Variants in KDM4A observed in about 807,000 individuals in gnomAD.
The protein encoded by KDM4A is lysine demethylase 4A, also known as lysine-specific demethylase 4A.
In KDM4A, 23 loss-of-function variants were observed where a neutral mutation model predicts 127.1. The ratio of observed to expected loss-of-function variants is 0.18; its 90% CI spans 0.13 to 0.26. The LOEUF (loss-of-function observed/expected upper bound fraction) is 0.26, where lower values mean the gene tolerates loss of function less well. Among genes scored for constraint, KDM4A ranks in the 10% least tolerant of loss-of-function variants. The pLI is 1.00. For synonymous variants in KDM4A, 443 were observed against 466.5 expected (o/e 0.95, Z 0.65); for missense variants, 890 against 1,329.1 (o/e 0.67, Z 5.14).
In KDM4A at chr1:43,694,863, C is replaced by G; in HGVS notation, c.2639C>G (p.Thr880Ser). 1 of 1,604,650 alleles carries G rather than the reference C, an allele frequency of 6.2e-7. No homozygotes were observed. The highest frequency in any genetic ancestry group is 8.5e-7 in the Non-Finnish European group (1 of 1,171,908). ...GACTGGCCTTTTGTGGTCTTCATTA[C>G]CTGCTTTCGGCACAAGATTCCTAAT... ...PDDWPFVVFI[T>S]CFRHKIPNLE... The change falls in exon 18 of 22, where the codon ACC becomes AGC. Residue 880 changes from threonine to serine, a missense_variant. By Grantham distance (58) the Thr-to-Ser change is moderately conservative. Transcript: ENST00000372396. This position sits in a 1 kb window ranked among gnomAD's most constrained non-coding sequence, Gnocchi z 5.2.
At chr1:43,685,358 A>C (rs1014691513) in intron 12 of KDM4A, among the ~76,000 whole-genome samples, 3 of 151,724 alleles carry the variant, frequency 2.0e-5, no homozygotes, top group African/African-American at 7.3e-5. Context: ...CTTCAGGGAG[A>C]GCAGAGTCAA....
intron 5 of KDM4A, among the ~76,000 whole-genome samples, chr1:43,664,180 A>G (rs542208450): frequency 6.6e-6 from 1 of 152,242 alleles, no homozygotes; most frequent in African/African-American, 2.4e-5. Context: ...GAAGGACATA[A>G]CCGGGTGGAG....
chr1:43,679,027 A>G (rs537573760), intron 11 of KDM4A, among the ~76,000 whole-genome samples: 1 of 152,286 alleles, frequency 6.6e-6, no homozygotes, highest in South Asian at 2.1e-4. Flanking sequence ...TTGAGGTGGG[A>G]GGAGATGGGG....
chr1:43,669,414 C>A, intron 10 of KDM4A, 115 bp downstream of exon 10: 3 of 1,020,444 alleles, frequency 2.9e-6, no homozygotes, highest in East Asian at 2.4e-5. Flanking sequence ...GGTCCGTGAG[C>A]AGATAGCATA....
At chr1:43,686,551 T>C (rs1386732314) in intron 12 of KDM4A, among the ~76,000 whole-genome samples, 1 of 150,246 alleles carries the variant, frequency 6.7e-6, no homozygotes, top group East Asian at 2.0e-4. Context: ...TGGCCAGGCT[T>C]GTCTCGAACT....
intron 2 of KDM4A, 126 bp from the exon 3 acceptor site, chr1:43,655,465 T>G: frequency 1.3e-6 from 1 of 795,460 alleles, no homozygotes; most frequent in East Asian, 2.7e-5. Context: ...TTGGTGAATG[T>G]GGGTAAATCA....
Position 43,694,179 on chromosome 1 carries a change from C to G in KDM4A, c.2484+77C>G. 8.4e-7 allele frequency: 1 copy of G among 1,195,266 alleles called. No homozygotes were observed. The allele number at this position is 1,195,266 out of a possible 1,614,324, so 74.0% of individuals were successfully genotyped here. A position where few individuals can be genotyped will look rare whatever the true frequency, so the allele number is the denominator to read the frequency against. On this transcript the variant is annotated intron_variant, in intron 17 of 21. Transcript: ENST00000372396. This position sits in a 1 kb window ranked among gnomAD's most constrained non-coding sequence, Gnocchi z 5.2. ...GAAGAGAACAGGGACCTCCTGTACCCCTTGGTTTTGGTTAGAGTTTGTGAT... is the reference window on the plus strand; with the variant it reads ...GAAGAGAACAGGGACCTCCTGTACCGCTTGGTTTTGGTTAGAGTTTGTGAT...
At chr1:43,683,044 A>G (rs1570853622) in intron 11 of KDM4A, among the ~76,000 whole-genome samples, 1 of 152,200 alleles carries the variant, frequency 6.6e-6, no homozygotes, top group Non-Finnish European at 1.5e-5. Context: ...TCTTAAATCA[A>G]CCTTTCCCTT....
At chr1:43,666,860 T>G in intron 7 of KDM4A, 94 bp from the exon 8 acceptor site, 1 of 1,306,242 alleles carries the variant, frequency 7.7e-7, no homozygotes, top group Non-Finnish European at 1.1e-6. Context: ...TGACTTACCC[T>G]TTGTTACTCA....
intron 12 of KDM4A, among the ~76,000 whole-genome samples, chr1:43,686,042 C>T (rs12138016): frequency 6.6e-6 from 1 of 151,926 alleles, no homozygotes; most frequent in Non-Finnish European, 1.5e-5. Context: ...AACATATTAT[C>T]TTCCTGGCTT....
At position 43,694,515 on chromosome 1, in the gene KDM4A, CAAAAAAA is replaced by C. The variant is rs35419389; in HGVS notation, c.2485-181_2485-175del. Among the ~76,000 whole-genome samples, 2 of 107,336 alleles carry C rather than the reference CAAAAAAA, an allele frequency of 1.9e-5. No homozygotes were observed. The highest frequency in any genetic ancestry group is 3.3e-4 in the South Asian group (1 of 3,034). 70.4% of individuals were successfully genotyped at this position (107,336 alleles called of 152,430 possible). ...TGGGTGACAGAGCAAGACTCCGTCT[CAAAAAAA>C]AAAAAAAAAAAATTTCCTTGGCAGA... On this transcript the variant is annotated intron_variant, in intron 17 of 21. Coordinates refer to ENST00000372396, the MANE Select transcript of KDM4A (RefSeq NM_014663.3). This position sits in a 1 kb window ranked among gnomAD's most constrained non-coding sequence, Gnocchi z 5.2.
At chr1:43,675,557 T>A (rs1660722565) in intron 11 of KDM4A, among the ~76,000 whole-genome samples, 1 of 152,064 alleles carries the variant, frequency 6.6e-6, no homozygotes, top group Non-Finnish European at 1.5e-5. Flanking sequence ...TCAAAGCACT[T>A]GGGGATCTGC....
intron 12 of KDM4A, among the ~76,000 whole-genome samples, chr1:43,685,668 T>C (rs1660957158): frequency 6.6e-6 from 1 of 152,114 alleles, no homozygotes; most frequent in South Asian, 2.1e-4. Context: ...CTCGGGAGGC[T>C]GAGGCAGGAG....
chr1:43,690,633 C>G, intron 13 of KDM4A: 1 of 602,684 alleles, frequency 1.7e-6, no homozygotes, highest in East Asian at 2.8e-5. Flanking sequence ...CAGTTGTCCC[C>G]TAGGGGCCTT....
Position 43,689,236 on chromosome 1 carries a change from T to C in KDM4A, c.2037+141T>C, listed in dbSNP as rs1003875575. The C allele has an allele frequency of 5.6e-5, 46 of 818,112 alleles. No homozygotes were observed. The East Asian group carries it at 7.9e-4, about 14-fold the overall frequency. 50.7% of individuals were successfully genotyped at this position (818,112 alleles called of 1,614,324 possible). ...CAGCATTCTCTGCCCCATCTGTGTA[T>C]TGGTCAGTCTTCTCCAGGCAGATAA... On this transcript the variant is annotated intron_variant, in intron 13 of 21. Coordinates refer to ENST00000372396, the MANE Select transcript of KDM4A (RefSeq NM_014663.3).
Position 43,672,013 on chromosome 1 carries a change from G to A in KDM4A, c.1734+138G>A, listed in dbSNP as rs1232113410. ...AGGGCAGGAGAGACCCTCAGTCAGT[G>A]CCTCTAGCCAGCAGTGGTTGTGTCA... On this transcript the variant is annotated intron_variant, in intron 11 of 21. Coordinates refer to ENST00000372396, the MANE Select transcript of KDM4A (RefSeq NM_014663.3). 7 of 962,000 alleles carry A rather than the reference G, an allele frequency of 7.3e-6. No homozygotes were observed. The East Asian group carries it at 8.9e-5, about 12-fold the overall frequency. The allele number at this position is 962,000 out of a possible 1,614,324, so 59.6% of individuals were successfully genotyped here.
In KDM4A at chr1:43,688,295, A is replaced by G. The variant is rs1019947060; in HGVS notation, c.1856-619A>G. On this transcript the variant is annotated intron_variant, in intron 12 of 21. Transcript: ENST00000372396. This position sits in a 1 kb window ranked among gnomAD's most constrained non-coding sequence, Gnocchi z 4.4. ...AGGATATTGTTTGCCAGCGTCAGGC[A>G]TCACATCTTGTGGCTGGGAAGAGGA... is the stretch of plus-strand genomic sequence containing the variant. 6.6e-6 allele frequency among the ~76,000 whole-genome samples: 1 copy of G among 152,232 alleles called. No homozygotes were observed. The highest frequency in any genetic ancestry group is 2.4e-5 in the African/African-American group (1 of 41,458).
At chr1:43,662,803 C>A in intron 4 of KDM4A, 91 bp from the exon 5 acceptor site, 1 of 1,069,098 alleles carries the variant, frequency 9.4e-7, no homozygotes, top group Non-Finnish European at 1.4e-6. Flanking sequence ...TCAGAGATGA[C>A]AGCTTACTTG....
chr1:43,665,887 C>T (rs1464172111), intron 6 of KDM4A, 142 bp downstream of exon 6: 1 of 773,734 alleles, frequency 1.3e-6, no homozygotes, highest in East Asian at 2.6e-5. Flanking sequence ...ACACTGGTTA[C>T]CTTAAGAGGG....
Sources: allele counts gnomAD v4.1 joint callset (sites outside exome capture counted in the v4.1 genomes callset), GRCh38; gene constraint gnomAD v4.1.1; non-coding constraint Gnocchi (gnomAD v3.1); transcripts MANE v1.5; gene names NCBI Gene and HGNC (gene_info 2026-07-23, HGNC 2026-07-21).